Variants in NDUFAF2 observed in about 807,000 individuals in gnomAD.
NDUFAF2 encodes NADH:ubiquinone oxidoreductase complex assembly factor 2, also known as NADH dehydrogenase [ubiquinone] 1 alpha subcomplex assembly factor 2.
A neutral mutation model predicts 22.8 loss-of-function variants in NDUFAF2; 13 were observed. The ratio of observed to expected loss-of-function variants is 0.57; its 90% CI spans 0.37 to 0.91. The LOEUF is 0.91. Ranked by LOEUF, NDUFAF2 falls within the 40% of genes least tolerant of loss-of-function variation. The probability of loss-of-function intolerance (pLI) is 0.01; values close to 1 mark genes in which losing one functional copy is unlikely to be tolerated. For synonymous variants in NDUFAF2, 53 were observed against 64.2 expected, an observed-to-expected ratio of 0.83 and a Z score of 0.84; for missense variants, 162 against 195.2, an observed-to-expected ratio of 0.83 and a Z score of 1.01.
At chr5:60,977,781 G>A (rs1750921281) in intron 1 of NDUFAF2, among the ~76,000 whole-genome samples, 1 of 148,586 alleles carries the variant, frequency 6.7e-6, no homozygotes, top group South Asian at 2.1e-4. Context: ...AGGTTGCAGT[G>A]AGCCAAGATC....
At chr5:61,013,092 G>T (rs1453166831) in intron 1 of NDUFAF2, among the ~76,000 whole-genome samples, 1 of 151,844 alleles carries the variant, frequency 6.6e-6, no homozygotes, top group African/African-American at 2.4e-5. Flanking sequence ...TTCATATTGG[G>T]GTACTATTAA....
chr5:61,035,812 T>A (rs935658865), intron 1 of NDUFAF2, among the ~76,000 whole-genome samples: 7 of 152,164 alleles, frequency 4.6e-5, no homozygotes, highest in African/African-American at 1.7e-4. Flanking sequence ...TCATTTATAA[T>A]ATAGTCTAGA....
At chr5:60,975,319 T>G (rs991368875) in intron 1 of NDUFAF2, among the ~76,000 whole-genome samples, 1 of 152,074 alleles carries the variant, frequency 6.6e-6, no homozygotes, top group Non-Finnish European at 1.5e-5. Flanking sequence ...TTAAGAATGA[T>G]TCTAAGGATT....
At chr5:61,059,352 A>G (rs1397321472) in intron 1 of NDUFAF2, among the ~76,000 whole-genome samples, 1 of 152,064 alleles carries the variant, frequency 6.6e-6, no homozygotes, top group Non-Finnish European at 1.5e-5. Context: ...ACAAATTTAC[A>G]ATAGGTTAAT....
intron 3 of NDUFAF2, 50 bp from the exon 4 acceptor site, chr5:61,152,654 T>G (rs994756778): frequency 7.4e-7 from 1 of 1,343,160 alleles, no homozygotes; most frequent in African/African-American, 1.5e-5. Flanking sequence ...TTATAAAAAC[T>G]TTTTTTAACT....
At chr5:61,083,356 A>G (rs1299425605) in intron 2 of NDUFAF2, 2 of 152,126 alleles carry the variant, frequency 1.3e-5, no homozygotes, top group East Asian at 3.9e-4. Context: ...ATTTGTCTAT[A>G]TATGGCTAGC....
At chr5:61,028,627 GT>G (rs1315099898) in intron 1 of NDUFAF2, among the ~76,000 whole-genome samples, 1 of 151,924 alleles carries the variant, frequency 6.6e-6, no homozygotes, top group Admixed American at 6.6e-5. Context: ...GTTGTTTGCA[GT>G]TTTTTTCTAC....
chr5:61,144,313 G>A (rs1741100093), intron 3 of NDUFAF2, among the ~76,000 whole-genome samples: 1 of 151,834 alleles, frequency 6.6e-6, no homozygotes, highest in African/African-American at 2.4e-5. Context: ...CTTGAATGAT[G>A]GTTTGAAAAC....
In NDUFAF2 at chr5:61,071,279, T is replaced by C. The variant is rs1389783091; in HGVS notation, c.128-1846T>C. On this transcript the variant is annotated intron_variant, in intron 1 of 3. Transcript: ENST00000296597. ...AAAAGGTAACTCCTCTTTGTAGAAC[T>C]TGGGGAACCTCTGCGTTAGGATTAA... 2.0e-5 allele frequency among the ~76,000 whole-genome samples: 3 copies of C among 152,168 alleles called. No homozygotes were observed. The East Asian group carries it at 5.8e-4, about 29-fold the overall frequency.
intron 3 of NDUFAF2, among the ~76,000 whole-genome samples, chr5:61,102,082 G>T (rs970674302): frequency 1.3e-5 from 2 of 152,070 alleles, no homozygotes; most frequent in Non-Finnish European, 2.9e-5. Flanking sequence ...ATGGTTCATA[G>T]CCCATATTTT....
intron 1 of NDUFAF2, among the ~76,000 whole-genome samples, chr5:60,947,670 G>T (rs558290189): frequency 6.6e-6 from 1 of 151,012 alleles, no homozygotes; most frequent in South Asian, 2.1e-4. Context: ...GGAGGCTAAG[G>T]CAGGAAAATC....
chr5:60,970,831 A>G (rs1220987422), intron 1 of NDUFAF2, among the ~76,000 whole-genome samples: 2 of 152,168 alleles, frequency 1.3e-5, no homozygotes, highest in African/African-American at 2.4e-5. Context: ...GTAAAGTTCA[A>G]TATGTAGGCT....
chr5:60,995,317 G>C (rs150050673), intron 1 of NDUFAF2, among the ~76,000 whole-genome samples: 5 of 152,272 alleles, frequency 3.3e-5, no homozygotes, highest in South Asian at 2.1e-4. Context: ...TACTTTAGCT[G>C]TCCTTTTTGG....
At chr5:60,998,871 C>G (rs1172174233) in intron 1 of NDUFAF2, among the ~76,000 whole-genome samples, 1 of 151,544 alleles carries the variant, frequency 6.6e-6, no homozygotes, top group African/African-American at 2.4e-5. Context: ...TATAGGAGAC[C>G]CATTATATTC....
intron 1 of NDUFAF2, among the ~76,000 whole-genome samples, chr5:61,006,364 G>T (rs1286122694): frequency 2.0e-5 from 3 of 152,186 alleles, no homozygotes; most frequent in Non-Finnish European, 4.4e-5. Flanking sequence ...ATAGTTTGAA[G>T]TCAGGTAGCG....
intron 1 of NDUFAF2, among the ~76,000 whole-genome samples, chr5:61,016,643 G>T (rs1486244280): frequency 6.6e-6 from 1 of 152,110 alleles, no homozygotes; most frequent in Non-Finnish European, 1.5e-5. Flanking sequence ...TTACTATGCT[G>T]TCCTCCGCTA....
At chr5:61,126,131 G>A (rs1049386606) in intron 3 of NDUFAF2, among the ~76,000 whole-genome samples, 7 of 151,678 alleles carry the variant, frequency 4.6e-5, no homozygotes, top group African/African-American at 9.7e-5. Flanking sequence ...TCTTTCATTC[G>A]TTTTCAAAGT....
At chr5:61,124,948 C>T (rs113445535) in intron 3 of NDUFAF2, among the ~76,000 whole-genome samples, 21,439 of 151,918 alleles carry the variant, frequency 0.14, 1,816 homozygotes, top group African/African-American at 0.24. Context: ...AAATAAGGCA[C>T]ATCTTAGATG....
At chr5:60,997,737 G>A (rs573918794) in intron 1 of NDUFAF2, among the ~76,000 whole-genome samples, 20 of 152,168 alleles carry the variant, frequency 1.3e-4, no homozygotes, top group African/African-American at 3.4e-4. Flanking sequence ...CTGCTTTTCC[G>A]TTCTTCACTT....
Sources: gnomAD v4.1 joint callset for allele counts (sites outside exome capture counted in the v4.1 genomes callset) on GRCh38, gnomAD v4.1.1 for gene constraint, MANE v1.5 for transcripts, NCBI Gene and HGNC (gene_info 2026-07-23, HGNC 2026-07-21) for gene names.